Variants in CXXC1 observed in about 807,000 individuals in gnomAD.
CXXC1 encodes CXXC-type zinc finger protein 1.
Under a neutral mutation model 83.6 loss-of-function variants are expected in CXXC1, and 21 were observed. The ratio of observed to expected loss-of-function variants is 0.25; its 90% CI spans 0.18 to 0.36. The LOEUF (loss-of-function observed/expected upper bound fraction) is 0.36. CXXC1 is among the 10% of genes least tolerant of loss of function. The pLI is 1.00. For missense variants in CXXC1, 688 were observed against 919.5 expected (o/e 0.75, Z 3.26); for synonymous variants, 371 against 337.5 (o/e 1.10, Z -1.09).
chr18:50,282,538 A>G lies in CXXC1; in HGVS notation c.*55T>C. On this transcript the variant is annotated 3_prime_UTR_variant, in exon 15 of 15. Coordinates refer to ENST00000285106, the MANE Select transcript of CXXC1 (RefSeq NM_014593.4). The surrounding 1 kb of genome is among the most constrained non-coding windows in gnomAD (Gnocchi z 5.8). ...TGAGTGGAGGAACGGACACACGGGC[A>G]CCGGGCGGCTCCCCCATCTGGAATG... 1 of 1,590,984 alleles carries G rather than the reference A, an allele frequency of 6.3e-7. No individual in the cohort carries two copies. The highest frequency in any genetic ancestry group is 2.1e-4 in the Middle Eastern group (1 of 4,856).
Position 50,285,935 on chromosome 18 carries a change from G to C in CXXC1, c.460-7C>G, listed in dbSNP as rs2040705324. On this transcript the variant is annotated splice_polypyrimidine_tract_variant and splice_region_variant and intron_variant, in intron 4 of 14. Coordinates refer to ENST00000285106, the MANE Select transcript of CXXC1 (RefSeq NM_014593.4). This position sits in a 1 kb window ranked among gnomAD's most constrained non-coding sequence, Gnocchi z 4.4. The stretch of plus-strand genomic sequence containing the variant: ...GCTGCTGCTGCTGGTGATGCTGCAG[G>C]AGGGGGCCCAGAACAGAAATCATGG... 1 of 1,613,870 alleles carries C rather than the reference G, an allele frequency of 6.2e-7. No individual in the cohort carries two copies. The highest frequency in any genetic ancestry group is 8.5e-7 in the Non-Finnish European group (1 of 1,180,030).
In CXXC1 at chr18:50,285,904, T is replaced by TCTGCTG. The variant is rs527645784; in HGVS notation, c.478_483dup (p.Gln160_Gln161dup). On this transcript the variant is annotated inframe_insertion, in exon 5 of 15. Transcript: ENST00000285106. This position sits in a 1 kb window ranked among gnomAD's most constrained non-coding sequence, Gnocchi z 4.4. The stretch of plus-strand genomic sequence containing the variant: ...CCACACATGCGGGCTGACCGTTTGA[T>TCTGCTG]CTGCTGCTGCTGCTGCTGGTGATGC... The TCTGCTG allele has an allele frequency of 5.6e-6, 9 of 1,613,180 alleles. No homozygotes were observed. The South Asian group carries it at 9.9e-5, about 18-fold the overall frequency.
chr18:50,282,738 C>G lies in CXXC1; in HGVS notation c.1826G>C (p.Trp609Ser). ...CTCAAACAGCTCGTCCAGCTTGTAC[C>G]ACTGCCAAGGGAGCGGCAGGAGTCC... The part of the protein sequence containing the change: ...AEVDLERVRV[W>S]YKLDELFEQE... Residue 609 changes from tryptophan (W) to serine (S), a missense_variant and splice_region_variant, in exon 15 of 15, where the codon TGG becomes TCG. By Grantham distance (177) the Trp-to-Ser change is radical. Coordinates refer to ENST00000285106, the MANE Select transcript of CXXC1 (RefSeq NM_014593.4). This position sits in a 1 kb window ranked among gnomAD's most constrained non-coding sequence, Gnocchi z 5.8. 1 of 1,614,028 alleles carries G rather than the reference C, an allele frequency of 6.2e-7. No individual in the cohort carries two copies. Among genetic ancestry groups the G allele is most frequent in the Non-Finnish European group, 8.5e-7 (1 of 1,179,994 alleles).
At position 50,282,390 on chromosome 18, in the gene CXXC1, G is replaced by A; in HGVS notation, c.*203C>T. ...TATTAACAAAACCCAGGGAGAGGAG[G>A]CAAGGATGAGTGGACTCCGCAGCCC... On this transcript the variant is annotated 3_prime_UTR_variant, in exon 15 of 15. Transcript: ENST00000285106. This position sits in a 1 kb window ranked among gnomAD's most constrained non-coding sequence, Gnocchi z 5.8. 2 of 643,960 alleles carry A rather than the reference G, an allele frequency of 3.1e-6. No individual in the cohort carries two copies. Among genetic ancestry groups the A allele is most frequent in the Admixed American group, 2.7e-5 (1 of 36,858 alleles). 39.9% of individuals were successfully genotyped at this position (643,960 alleles called of 1,614,324 possible).
chr18:50,286,404 T>C, intron 3 of CXXC1, 135 bp downstream of exon 3: 1 of 1,046,716 alleles, frequency 9.6e-7, no homozygotes, highest in South Asian at 1.4e-5. Context: ...TCCCGTGGGA[T>C]CTTCTATTAC....
chr18:50,282,949 C>T lies in CXXC1; in HGVS notation c.1729G>A (p.Gly577Ser), dbSNP rs2040574508. 6.2e-7 allele frequency: 1 copy of T among 1,614,154 alleles called. No homozygotes were observed. The highest frequency in any genetic ancestry group is 8.5e-7 in the Non-Finnish European group (1 of 1,180,044). ...PLVRDVFELT[G>S]DFCRLPKRQC... is the part of the protein sequence containing the mutation. Reference sequence around the variant, plus strand: ...CGCTTGGGCAGGCGGCAGAAGTCACCCGTGAGCTCAAAGACATCACGTACA... The same window carrying T: ...CGCTTGGGCAGGCGGCAGAAGTCACTCGTGAGCTCAAAGACATCACGTACA... Residue 577 changes from glycine (G) to serine (S), a missense_variant, in exon 14 of 15, where the codon GGT (glycine) becomes AGT (serine). This residue lies in a region of CXXC1 where 114 missense variants were observed against 173.3 expected (regional missense o/e 0.66). Coordinates refer to ENST00000285106, the MANE Select transcript of CXXC1 (RefSeq NM_014593.4). The surrounding 1 kb of genome is among the most constrained non-coding windows in gnomAD (Gnocchi z 5.8).
At position 50,285,465 on chromosome 18, in the gene CXXC1, C is replaced by A; in HGVS notation, c.640-114G>T. The A allele has an allele frequency of 7.7e-7, 1 of 1,297,778 alleles. No homozygotes were observed. 80.4% of individuals were successfully genotyped at this position (1,297,778 alleles called of 1,614,324 possible). On this transcript the variant is annotated intron_variant, in intron 5 of 14. Transcript: ENST00000285106. The surrounding 1 kb of genome is among the most constrained non-coding windows in gnomAD (Gnocchi z 4.4). ...TCCCCAGACACACCTCCCCGCTACC[C>A]CTCATTGCCAGGAATGCTCAGCCCT...
At position 50,285,292 on chromosome 18, in the gene CXXC1, A is replaced by G. The variant is rs1395022193; in HGVS notation, c.666+33T>C. 5.0e-6 allele frequency: 8 copies of G among 1,610,670 alleles called. No homozygotes were observed. Among genetic ancestry groups the G allele is most frequent in the African/African-American group, 1.3e-5 (1 of 74,978 alleles). ...GACTGGCCCTGACCGCCCTGCCCGC[A>G]TGCCCCACCCCACCCTGGGGGGCTG... On this transcript the variant is annotated intron_variant, in intron 6 of 14. Coordinates refer to ENST00000285106, the MANE Select transcript of CXXC1 (RefSeq NM_014593.4). This position sits in a 1 kb window ranked among gnomAD's most constrained non-coding sequence, Gnocchi z 4.4.
chr18:50,286,894 C>A, intron 1 of CXXC1, 36 bp from the exon 2 acceptor site: 1 of 1,455,934 alleles, frequency 6.9e-7, no homozygotes, highest in Non-Finnish European at 9.6e-7. Context: ...CTTAAGCAGC[C>A]CCCACCGTGG....
Position 50,285,826 on chromosome 18 carries a change from G to C in CXXC1, c.562C>G (p.Arg188Gly). 6.2e-7 allele frequency: 1 copy of C among 1,614,140 alleles called. No homozygotes were observed. The highest frequency in any genetic ancestry group is 8.5e-7 in the Non-Finnish European group (1 of 1,180,030). The change falls in exon 5 of 15, where the codon CGG becomes GGG. Residue 188 changes from arginine to glycine, a missense_variant. Arg to Gly is a moderately radical substitution (Grantham distance 125). Transcript: ENST00000285106. This position sits in a 1 kb window ranked among gnomAD's most constrained non-coding sequence, Gnocchi z 4.4. ...TEDCGHCDFC[R>G]DMKKFGGPNK... Reference sequence around the variant, plus strand: ...GGGCCCCCGAACTTCTTCATGTCCCGACAGAAATCACAGTGACCACAGTCC... The same window carrying C: ...GGGCCCCCGAACTTCTTCATGTCCCCACAGAAATCACAGTGACCACAGTCC...
At position 50,286,017 on chromosome 18, in the gene CXXC1, C is replaced by G; in HGVS notation, c.459+5G>C. ...CACATCCATTCACTTTATGCAGCCA[C>G]TCACCTGGCTGGGTGTGGCCACCAA... is the stretch of plus-strand genomic sequence containing the variant. On this transcript the variant is annotated splice_donor_5th_base_variant and intron_variant, in intron 4 of 14. Coordinates refer to ENST00000285106, the MANE Select transcript of CXXC1 (RefSeq NM_014593.4). The G allele has an allele frequency of 6.2e-7, 1 of 1,613,712 alleles. No individual in the cohort carries two copies. The highest frequency in any genetic ancestry group is 8.5e-7 in the Non-Finnish European group (1 of 1,179,722).
In CXXC1 at chr18:50,285,583, T is replaced by C. The variant is rs1184995218; in HGVS notation, c.639+166A>G. The C allele has an allele frequency of 3.9e-6, 4 of 1,027,530 alleles. No homozygotes were observed. The highest frequency in any genetic ancestry group is 5.6e-6 in the Non-Finnish European group (4 of 710,298). The allele number at this position is 1,027,530 out of a possible 1,614,324, so 63.7% of individuals were successfully genotyped here. A position where few individuals can be genotyped will look rare whatever the true frequency, so the allele number is the denominator to read the frequency against. On this transcript the variant is annotated intron_variant, in intron 5 of 14. Transcript: ENST00000285106. The surrounding 1 kb of genome is among the most constrained non-coding windows in gnomAD (Gnocchi z 4.4). ...GTGGGGGTGTTCTGCCAGCCCAGCATACCAGGTCATGCCCCATTCATCTGG... is the reference window on the plus strand; with the variant it reads ...GTGGGGGTGTTCTGCCAGCCCAGCACACCAGGTCATGCCCCATTCATCTGG...
intron 2 of CXXC1, 35 bp downstream of exon 2, chr18:50,286,705 C>A: frequency 6.2e-7 from 1 of 1,608,420 alleles, no homozygotes; most frequent in Non-Finnish European, 8.5e-7. Context: ...CCCCACCCTG[C>A]CAGTGTCAGC....
Position 50,286,871 on chromosome 18 carries a change from C to T in CXXC1, c.4-13G>A, listed in dbSNP as rs375461190. 6.3e-7 allele frequency: 1 copy of T among 1,577,626 alleles called. No homozygotes were observed. The highest frequency in any genetic ancestry group is 1.1e-5 in the South Asian group (1 of 90,360). On this transcript the variant is annotated splice_polypyrimidine_tract_variant and intron_variant, in intron 1 of 14. Coordinates refer to ENST00000285106, the MANE Select transcript of CXXC1 (RefSeq NM_014593.4). ...AACCATCTCCCTCCTGCAGGACACCCCCATTACGGATCCTTAAGCAGCCCC... is the reference window on the plus strand; with the variant it reads ...AACCATCTCCCTCCTGCAGGACACCTCCATTACGGATCCTTAAGCAGCCCC...
At position 50,282,459 on chromosome 18, in the gene CXXC1, AGGCAGATGGGCGGTCAACC is replaced by A. The variant is rs1272603162; in HGVS notation, c.*115_*133del. 8.7e-7 allele frequency: 1 copy of A among 1,148,584 alleles called. No homozygotes were observed. The highest frequency in any genetic ancestry group is 2.4e-5 in the East Asian group (1 of 42,506). The allele number at this position is 1,148,584 out of a possible 1,614,324, so 71.1% of individuals were successfully genotyped here. A position where few individuals can be genotyped will look rare whatever the true frequency, so the allele number is the denominator to read the frequency against. On this transcript the variant is annotated 3_prime_UTR_variant, in exon 15 of 15. Transcript: ENST00000285106. This position sits in a 1 kb window ranked among gnomAD's most constrained non-coding sequence, Gnocchi z 5.8. The stretch of plus-strand genomic sequence containing the variant: ...TCGACGGGGACAGTCCCTCTGATAA[AGGCAGATGGGCGGTCAACC>A]GGTGGATGGGCACAGGGAGAACCGG...
chr18:50,286,032 G>A lies in CXXC1; in HGVS notation c.449C>T (p.Thr150Ile), dbSNP rs2040707202. The change falls in exon 4 of 15, where the codon ACA becomes ATA. Residue 150 changes from threonine to isoleucine, a missense_variant. This residue lies in a region of CXXC1 where 142 missense variants were observed against 150.7 expected (regional missense o/e 0.94). Transcript: ENST00000285106. The stretch of plus-strand genomic sequence containing the variant: ...TATGCAGCCACTCACCTGGCTGGGT[G>A]TGGCCACCAAGGGCTGCGGAGAGGA... ...HKSSPQPLVA[T>I]PSQHHQQQQQ... 2 of 1,613,724 alleles carry A rather than the reference G, an allele frequency of 1.2e-6. No individual in the cohort carries two copies. Among genetic ancestry groups the A allele is most frequent in the Non-Finnish European group, 8.5e-7 (1 of 1,179,824 alleles).
At chr18:50,283,446 T>C in intron 12 of CXXC1, 69 bp downstream of exon 12, 1 of 1,607,362 alleles carries the variant, frequency 6.2e-7, no homozygotes, top group Non-Finnish European at 8.5e-7. Context: ...CTGCCCCAGC[T>C]CCACACACAT....
intron 1 of CXXC1, chr18:50,287,363 G>A (rs550446941): frequency 1.1e-5 from 6 of 560,196 alleles, no homozygotes; most frequent in Admixed American, 3.3e-5. Flanking sequence ...GGTTTCCCAC[G>A]GAACTGCCAC....
chr18:50,285,958 T>G lies in CXXC1; in HGVS notation c.460-30A>C, dbSNP rs753048763. 1 of 1,613,924 alleles carries G rather than the reference T, an allele frequency of 6.2e-7. No homozygotes were observed. Among genetic ancestry groups the G allele is most frequent in the South Asian group, 1.1e-5 (1 of 91,082 alleles). Reference sequence around the variant, plus strand: ...AGGAGGGGGCCCAGAACAGAAATCATGGACCCAGGCAGGGCTGAAACGGAA... The same window carrying G: ...AGGAGGGGGCCCAGAACAGAAATCAGGGACCCAGGCAGGGCTGAAACGGAA... On this transcript the variant is annotated intron_variant, in intron 4 of 14. Transcript: ENST00000285106. This position sits in a 1 kb window ranked among gnomAD's most constrained non-coding sequence, Gnocchi z 4.4.
Sources: allele counts gnomAD v4.1 joint callset, GRCh38; gene constraint gnomAD v4.1.1; regional missense constraint gnomAD v4.1.1; non-coding constraint Gnocchi (gnomAD v3.1); transcripts MANE v1.5; gene names NCBI Gene and HGNC (gene_info 2026-07-23, HGNC 2026-07-21).